CCDC60: variants seen among roughly 807,000 people sequenced by gnomAD.
CCDC60 encodes the protein coiled-coil domain containing 60.
A neutral mutation model predicts 63.5 loss-of-function variants in CCDC60; 54 were observed. That is an observed-to-expected ratio of 0.85 (90% CI 0.68 to 1.07). The LOEUF is 1.07. Ranked by LOEUF, CCDC60 falls within the 50% of genes least tolerant of loss-of-function variation. The pLI, the probability that CCDC60 is intolerant of heterozygous loss-of-function variation, is 0.00. For missense variants in CCDC60, 651 were observed against 684.3 expected (o/e 0.95, Z 0.54); for synonymous variants, 206 against 238.8 (o/e 0.86, Z 1.27).
At chr12:119,402,861 G>A (rs1253398624) in intron 1 of CCDC60, among the ~76,000 whole-genome samples, 2 of 152,178 alleles carry the variant, frequency 1.3e-5, no homozygotes, top group African/African-American at 4.8e-5. Context: ...TTTGCAATAT[G>A]CTAACAAAAT....
chr12:119,452,727 A>C (rs1370801513), intron 2 of CCDC60, among the ~76,000 whole-genome samples: 1 of 152,174 alleles, frequency 6.6e-6, no homozygotes, highest in East Asian at 1.9e-4. Context: ...ATAGTTATTC[A>C]TTCCTAGATA....
At chr12:119,338,075 G>A (rs1030008109) in intron 1 of CCDC60, among the ~76,000 whole-genome samples, 5 of 152,030 alleles carry the variant, frequency 3.3e-5, no homozygotes, top group Non-Finnish European at 7.4e-5. Flanking sequence ...CAAGACTTCC[G>A]GCCCGAAAGC....
At chr12:119,511,896 T>G (rs1405128922) in intron 7 of CCDC60, among the ~76,000 whole-genome samples, 1 of 152,160 alleles carries the variant, frequency 6.6e-6, no homozygotes, top group African/African-American at 2.4e-5. Context: ...GCTAATAGGC[T>G]TCTGGACACA....
chr12:119,470,866 C>G (rs535543568), intron 2 of CCDC60, among the ~76,000 whole-genome samples: 2 of 152,126 alleles, frequency 1.3e-5, no homozygotes, highest in African/African-American at 2.4e-5. Context: ...AACCATGAAC[C>G]CTGAGGGACC....
intron 5 of CCDC60, among the ~76,000 whole-genome samples, chr12:119,498,290 C>T (rs1951759643): frequency 6.6e-6 from 1 of 152,170 alleles, no homozygotes; most frequent in Non-Finnish European, 1.5e-5. Context: ...GCCTAGACCC[C>T]TGTCATTGTC....
At chr12:119,337,821 TA>T (rs780334578) in intron 1 of CCDC60, among the ~76,000 whole-genome samples, 4 of 127,306 alleles carry the variant, frequency 3.1e-5, no homozygotes, top group Non-Finnish European at 6.7e-5. Context: ...TGTGTGTGTG[TA>T]TTTGTGTGTG....
chr12:119,520,230 G>A (rs934239199), intron 9 of CCDC60, 38 bp downstream of exon 9: 1 of 1,577,920 alleles, frequency 6.3e-7, no homozygotes, highest in Non-Finnish European at 8.7e-7. Context: ...TGCCTCCGAA[G>A]GCAGCCCACA....
chr12:119,505,392 C>T, intron 7 of CCDC60, 89 bp downstream of exon 7: 5 of 823,396 alleles, frequency 6.1e-6, no homozygotes, highest in Non-Finnish European at 9.9e-6. Flanking sequence ...AAGTCCACCT[C>T]CACTCATTTA....
chr12:119,457,348 T>G (rs1053876477), intron 2 of CCDC60, among the ~76,000 whole-genome samples: 3 of 152,238 alleles, frequency 2.0e-5, no homozygotes, highest in Non-Finnish European at 4.4e-5. Context: ...TTAACGGGTC[T>G]TTCTCTTTGG....
chr12:119,488,713 T>C (rs1050591591), intron 4 of CCDC60, 46 bp from the exon 5 acceptor site: 3 of 1,542,742 alleles, frequency 1.9e-6, no homozygotes, highest in Non-Finnish European at 1.8e-6. Flanking sequence ...GCGAAGAAAG[T>C]TGTTCTAACA....
intron 4 of CCDC60, among the ~76,000 whole-genome samples, chr12:119,481,989 T>A (rs899561955): frequency 5.4e-5 from 6 of 112,090 alleles, no homozygotes; most frequent in South Asian, 6.2e-4. Flanking sequence ...TATATATGTA[T>A]ATATATATGT....
At chr12:119,509,466 G>A (rs571543933) in intron 7 of CCDC60, among the ~76,000 whole-genome samples, 1 of 152,236 alleles carries the variant, frequency 6.6e-6, no homozygotes, top group South Asian at 2.1e-4. Context: ...ACTCCTTGTG[G>A]TAACAGTGGG....
At chr12:119,370,574 G>A (rs980355487) in intron 1 of CCDC60, among the ~76,000 whole-genome samples, 8 of 152,200 alleles carry the variant, frequency 5.3e-5, no homozygotes, top group Admixed American at 2.6e-4. Flanking sequence ...AAGGGGTCAC[G>A]TGGATGGAGC....
At chr12:119,361,533 T>G (rs1363275254) in intron 1 of CCDC60, among the ~76,000 whole-genome samples, 1 of 152,080 alleles carries the variant, frequency 6.6e-6, no homozygotes, top group Non-Finnish European at 1.5e-5. Flanking sequence ...AAAATAAGCT[T>G]CTCTTTCTGT....
Position 119,530,901 on chromosome 12 carries a change from A to G in CCDC60, c.1389A>G (p.Pro463=). The stretch of plus-strand genomic sequence containing the variant: ...ACTTTGATCTGTTGTCCAAACTGCC[A>G]GAGGATCTAAAGAACTTCCGCCCCG... ...HWYFDLLSKL[P]EDLKNFRPAK... is the part of the protein sequence containing the mutation. The change falls in exon 13 of 14, where the codon CCA becomes CCG. Residue 463 remains proline, a synonymous_variant. Transcript: ENST00000327554. 6.2e-7 allele frequency: 1 copy of G among 1,614,054 alleles called. No homozygotes were observed. Among genetic ancestry groups the G allele is most frequent in the South Asian group, 1.1e-5 (1 of 91,068 alleles).
intron 2 of CCDC60, among the ~76,000 whole-genome samples, chr12:119,468,098 C>A (rs1461751383): frequency 6.6e-6 from 1 of 151,874 alleles, no homozygotes; most frequent in Non-Finnish European, 1.5e-5. Flanking sequence ...TATAGTGAAA[C>A]CTCGTCTCTA....
At chr12:119,438,579 GGA>G (rs573993415) in intron 2 of CCDC60, among the ~76,000 whole-genome samples, 233 of 152,238 alleles carry the variant, frequency 1.5e-3, no homozygotes, top group Non-Finnish European at 3.1e-3. Flanking sequence ...CTATGTTATG[GGA>G]GAGAGAGATA....
In CCDC60 at chr12:119,464,899, C is replaced by A. The variant is rs1254761948; in HGVS notation, c.171-7095C>A. Among the ~76,000 whole-genome samples the A allele has an allele frequency of 5.3e-5, 8 of 152,338 alleles. No homozygotes were observed. In the South Asian group the frequency reaches 6.2e-4, roughly 12 times the overall value. On this transcript the variant is annotated intron_variant, in intron 2 of 13. Coordinates refer to ENST00000327554, the MANE Select transcript of CCDC60 (RefSeq NM_178499.5). ...TCCTGAAATGTGTGTGTTATGGATT[C>A]AATTGTGTCCTCCCCAAATTCATAC...
At chr12:119,421,967 C>G (rs993904804) in intron 1 of CCDC60, among the ~76,000 whole-genome samples, 4 of 152,198 alleles carry the variant, frequency 2.6e-5, no homozygotes, top group Non-Finnish European at 5.9e-5. Context: ...TCCATGCGTG[C>G]TCCATCCCTC....
Sources: allele counts gnomAD v4.1 joint callset (sites outside exome capture counted in the v4.1 genomes callset), GRCh38; gene constraint gnomAD v4.1.1; transcripts MANE v1.5; gene names NCBI Gene and HGNC (gene_info 2026-07-23, HGNC 2026-07-21).